The following SUSD5 variants were observed in gnomAD, a reference collection of about 807,000 sequenced individuals.
The protein encoded by SUSD5 is sushi domain containing 5.
A neutral mutation model predicts 29.5 loss-of-function variants in SUSD5; 33 were observed. The ratio of observed to expected loss-of-function variants is 1.12; its 90% CI spans 0.85 to 1.49. The LOEUF (loss-of-function observed/expected upper bound fraction) is 1.49, where lower values mean the gene tolerates loss of function less well. Ranked by LOEUF, SUSD5 falls within the 40% of genes most tolerant of loss-of-function variation. SUSD5 has a pLI of 0.00. For synonymous variants in SUSD5, 308 were observed against 325.3 expected (o/e 0.95, Z 0.57); for missense variants, 776 against 800.6 (o/e 0.97, Z 0.37).
chr3:33,199,860 T>C (rs1474820826), intron 3 of SUSD5, among the ~76,000 whole-genome samples: 2 of 152,172 alleles, frequency 1.3e-5, no homozygotes, highest in Non-Finnish European at 2.9e-5. Context: ...GGACCTTTAA[T>C]AGGTGATTAG....
Position 33,204,199 on chromosome 3 carries a change from A to G in SUSD5, c.409+3609T>C, listed in dbSNP as rs184242895. Among the ~76,000 whole-genome samples the G allele has an allele frequency of 1.3e-5, 2 of 152,256 alleles. No homozygotes were observed. Among genetic ancestry groups the G allele is most frequent in the African/African-American group, 2.4e-5 (1 of 41,544 alleles). On this transcript the variant is annotated intron_variant, in intron 3 of 4. Transcript: ENST00000309558. This position sits in a 1 kb window ranked among gnomAD's most constrained non-coding sequence, Gnocchi z 4.5. ...CACATATATACATATTTACATATGT[A>G]TATATATGTATCTTGCTATGTTGCC... is the stretch of plus-strand genomic sequence containing the variant.
At chr3:33,195,305 C>T (rs781297265) in intron 3 of SUSD5, among the ~76,000 whole-genome samples, 22 of 152,138 alleles carry the variant, frequency 1.4e-4, no homozygotes, top group Non-Finnish European at 5.9e-5. Context: ...GAACTCTTTT[C>T]GCTTGTCCTA....
At chr3:33,164,252 G>A (rs1263560700) in intron 4 of SUSD5, among the ~76,000 whole-genome samples, 2 of 152,098 alleles carry the variant, frequency 1.3e-5, no homozygotes, top group African/African-American at 2.4e-5. Flanking sequence ...ACCTAATACA[G>A]TGTGATTCCA....
chr3:33,168,959 T>C (rs150242515), intron 4 of SUSD5, among the ~76,000 whole-genome samples: 2,021 of 152,050 alleles, frequency 0.013, 48 homozygotes, highest in African/African-American at 0.045. Flanking sequence ...CAGACATGCC[T>C]GGTTTTAAAC....
intron 3 of SUSD5, among the ~76,000 whole-genome samples, chr3:33,186,297 G>A (rs971863819): frequency 6.6e-6 from 1 of 150,740 alleles, no homozygotes; most frequent in Non-Finnish European, 1.5e-5. Context: ...GCAAGACTGT[G>A]TCTCAAAAGA....
At position 33,152,851 on chromosome 3, in the gene SUSD5, A is replaced by G. The variant is rs536025045; in HGVS notation, c.1781T>C (p.Met594Thr). ...CLLLLLAGVG[M>T]VWGYRKCQHK... ...CTGGCACTTGCGGTAGCCCCACACC[A>G]TCCCCACACCTGCCAGGAGCAGCAG... Residue 594 changes from methionine (M) to threonine (T), a missense_variant, in exon 5 of 5, where the codon ATG becomes ACG. Met to Thr is a moderately conservative substitution (Grantham distance 81, BLOSUM62 -1). Coordinates refer to ENST00000309558, the MANE Select transcript of SUSD5 (RefSeq NM_015551.2). 3 of 1,613,948 alleles carry G rather than the reference A, an allele frequency of 1.9e-6. No homozygotes were observed. The highest frequency in any genetic ancestry group is 1.6e-4 in the Middle Eastern group (1 of 6,062).
intron 2 of SUSD5, 55 bp from the exon 3 acceptor site, chr3:33,207,981 A>C (rs1017524407): frequency 3.0e-6 from 4 of 1,353,122 alleles, no homozygotes; most frequent in African/African-American, 2.9e-5. Flanking sequence ...GAAAATAATA[A>C]GGAATAATTC....
intron 3 of SUSD5, chr3:33,190,454 T>C (rs1043988540): frequency 2.0e-5 from 3 of 152,322 alleles, no homozygotes; most frequent in African/African-American, 7.2e-5. Flanking sequence ...TATTGTGAAA[T>C]TTTCTCCTTA....
At chr3:33,161,825 CA>C (rs1228214420) in intron 4 of SUSD5, among the ~76,000 whole-genome samples, 1 of 152,028 alleles carries the variant, frequency 6.6e-6, no homozygotes, top group Non-Finnish European at 1.5e-5. Context: ...AATATAGCCT[CA>C]AAATATAGGA....
At chr3:33,211,181 A>G (rs998719718) in intron 2 of SUSD5, among the ~76,000 whole-genome samples, 1 of 152,222 alleles carries the variant, frequency 6.6e-6, no homozygotes, top group African/African-American at 2.4e-5. Context: ...GGCATGAGCC[A>G]CTGCACCCAG....
Position 33,167,580 on chromosome 3 carries a change from G to T in SUSD5, c.598+7306C>A, listed in dbSNP as rs1164533781. ...AACTAAGCTCTTCCTGTCTCCCCAG[G>T]TTCGCAGGTCAAGGTCCTGACTTAA... On this transcript the variant is annotated intron_variant, in intron 4 of 4. Coordinates refer to ENST00000309558, the MANE Select transcript of SUSD5 (RefSeq NM_015551.2). The surrounding 1 kb of genome is among the most constrained non-coding windows in gnomAD (Gnocchi z 4.1). Among the ~76,000 whole-genome samples, 1 of 152,164 alleles carries T rather than the reference G, an allele frequency of 6.6e-6. No individual in the cohort carries two copies. The highest frequency in any genetic ancestry group is 6.5e-5 in the Admixed American group (1 of 15,282).
rs866620259 is a variant in SUSD5 at position 33,153,328 on chromosome 3, G to A, written c.1304C>T (p.Ser435Leu). The change falls in exon 5 of 5, where the codon TCA becomes TTA. Residue 435 changes from serine to leucine, a missense_variant. Ser to Leu is a moderately radical substitution (Grantham distance 145, BLOSUM62 -2). Transcript: ENST00000309558. ...ATCTAGCATTTGAGATGGAAGAACT[G>A]AACTATGGGTCATGCCCTCGCTTGG... ...LTPSEGMTHS[S>L]VLPSQMLDVE... 1 of 1,613,920 alleles carries A rather than the reference G, an allele frequency of 6.2e-7. No individual in the cohort carries two copies. The highest frequency in any genetic ancestry group is 8.5e-7 in the Non-Finnish European group (1 of 1,179,874).
intron 2 of SUSD5, among the ~76,000 whole-genome samples, chr3:33,212,032 A>G (rs966442638): frequency 6.6e-6 from 1 of 152,180 alleles, no homozygotes; most frequent in Non-Finnish European, 1.5e-5. Context: ...CTAGTGTTCT[A>G]TACCACTGTA....
intron 4 of SUSD5, among the ~76,000 whole-genome samples, chr3:33,160,069 C>T (rs1042727121): frequency 3.2e-4 from 49 of 152,142 alleles, no homozygotes; most frequent in African/African-American, 1.2e-3. Flanking sequence ...TCACATTGTG[C>T]AAGGGAAGGA....
Position 33,207,813 on chromosome 3 carries a change from T to C in SUSD5, c.404A>G (p.Asp135Gly), listed in dbSNP as rs1367349694. The C allele has an allele frequency of 7.5e-6, 12 of 1,610,034 alleles. No homozygotes were observed. Among genetic ancestry groups the C allele is most frequent in the Admixed American group, 1.7e-5 (1 of 59,842 alleles). The change falls in exon 3 of 5, where the codon GAT becomes GGT. Residue 135 changes from aspartate to glycine, a missense_variant. Coordinates refer to ENST00000309558, the MANE Select transcript of SUSD5 (RefSeq NM_015551.2). ...GGTYSALCIK[D>G]EEKPCGDPPS... Reference sequence around the variant, plus strand: ...AAGAAGACTCTGGCACTGACCTTCATCCTTAATACAAAGGGCACTGTATGT... The same window carrying C: ...AAGAAGACTCTGGCACTGACCTTCACCCTTAATACAAAGGGCACTGTATGT...
intron 3 of SUSD5, among the ~76,000 whole-genome samples, chr3:33,197,859 C>T (rs1434679036): frequency 6.6e-6 from 1 of 152,048 alleles, no homozygotes; most frequent in Non-Finnish European, 1.5e-5. Context: ...ATATTTTGAT[C>T]CATTCATCAG....
At chr3:33,201,076 C>A (rs1559455292) in intron 3 of SUSD5, among the ~76,000 whole-genome samples, 1 of 152,196 alleles carries the variant, frequency 6.6e-6, no homozygotes, top group Non-Finnish European at 1.5e-5. Context: ...GAAAGAACAG[C>A]ATAAAGGCCC....
Position 33,213,941 on chromosome 3 carries a change from C to CT in SUSD5, c.276dup (p.Asp93ArgfsTer10). On this transcript the variant is annotated frameshift_variant, in exon 2 of 5. Coordinates refer to ENST00000309558, the MANE Select transcript of SUSD5 (RefSeq NM_015551.2). LOFTEE classifies it high-confidence loss of function. Reference sequence around the variant, plus strand: ...CGCCTAACTTACCCAAGAGTACCATCTGCTAGCCAGCCAGTGGTGCACACC... The same window carrying CT: ...CGCCTAACTTACCCAAGAGTACCATCTTGCTAGCCAGCCAGTGGTGCACACC... 6.2e-7 allele frequency: 1 copy of CT among 1,600,722 alleles called. No homozygotes were observed. The highest frequency in any genetic ancestry group is 8.5e-7 in the Non-Finnish European group (1 of 1,173,036).
At chr3:33,194,578 G>A (rs2031959145) in intron 3 of SUSD5, among the ~76,000 whole-genome samples, 1 of 152,212 alleles carries the variant, frequency 6.6e-6, no homozygotes, top group East Asian at 1.9e-4. Flanking sequence ...AGTACTTAAA[G>A]CTTCAGAAAC....
Sources: allele counts gnomAD v4.1 joint callset (sites outside exome capture counted in the v4.1 genomes callset), GRCh38; gene constraint gnomAD v4.1.1; non-coding constraint Gnocchi (gnomAD v3.1); transcripts MANE v1.5; gene names NCBI Gene and HGNC (gene_info 2026-07-23, HGNC 2026-07-21).